GAS7: variants seen among roughly 807,000 people sequenced by gnomAD.
GAS7 encodes the protein growth arrest specific 7.
GAS7 carries 28 observed loss-of-function variants against 71.1 expected under a neutral mutation model. That is an observed-to-expected ratio of 0.39 (90% CI 0.29 to 0.54). GAS7 has a LOEUF of 0.54. Ranked by LOEUF, GAS7 falls within the 20% of genes least tolerant of loss-of-function variation. The probability of loss-of-function intolerance (pLI) is 0.62; values close to 1 mark genes in which losing one functional copy is unlikely to be tolerated. For missense variants in GAS7, 436 were observed against 627.8 expected (o/e 0.69, Z 3.27); for synonymous variants, 258 against 245.8 (o/e 1.05, Z -0.46).
intron 1 of GAS7, among the ~76,000 whole-genome samples, chr17:10,056,521 A>C (rs2073138570): frequency 6.6e-6 from 1 of 151,962 alleles, no homozygotes; most frequent in African/African-American, 2.4e-5. Flanking sequence ...ATAAAAAATA[A>C]AAATAAATTA....
Position 9,926,655 on chromosome 17 carries a change from C to A in GAS7, c.1000G>T (p.Ala334Ser). The change falls in exon 10 of 14, where the codon GCC becomes TCC. Residue 334 changes from alanine to serine, a missense_variant. Ala to Ser is a moderately conservative substitution (Grantham distance 99). Coordinates refer to ENST00000432992, the MANE Select transcript of GAS7 (RefSeq NM_201433.2). This position sits in a 1 kb window ranked among gnomAD's most constrained non-coding sequence, Gnocchi z 5.0. Reference sequence around the variant, plus strand: ...GGGCCTCTCACCTTCTCCACCGAGGCATAGCGGCTGGCGAGCTGCTTGCGA... The same window carrying A: ...GGGCCTCTCACCTTCTCCACCGAGGAATAGCGGCTGGCGAGCTGCTTGCGA... The part of the protein sequence containing the change: ...DLRKQLASRY[A>S]SVEKARKALT... 6.2e-7 allele frequency: 1 copy of A among 1,613,754 alleles called. No homozygotes were observed. The highest frequency in any genetic ancestry group is 8.5e-7 in the Non-Finnish European group (1 of 1,180,028).
Position 9,912,814 on chromosome 17 carries a change from G to A in GAS7, c.*4414C>T, listed in dbSNP as rs1438982118. The A allele has an allele frequency of 1.3e-5, 3 of 232,484 alleles. No individual in the cohort carries two copies. Among genetic ancestry groups the A allele is most frequent in the Admixed American group, 5.6e-5 (1 of 17,754 alleles). The allele number at this position is 232,484 out of a possible 1,614,324, so 14.4% of individuals were successfully genotyped here. ...ACCCTGGGCCAAGAACTTCCAGGGC[G>A]AAAGGCTCAGTGTAAAAATAAAGAA... is the stretch of plus-strand genomic sequence containing the variant. On this transcript the variant is annotated 3_prime_UTR_variant, in exon 14 of 14. Transcript: ENST00000432992.
intron 1 of GAS7, among the ~76,000 whole-genome samples, chr17:10,062,359 C>T (rs1424008120): frequency 3.9e-5 from 6 of 152,180 alleles, no homozygotes; most frequent in Admixed American, 2.0e-4. Flanking sequence ...GTGGTGCACA[C>T]GTGTAATCTC....
At chr17:10,172,731 T>C (rs867542411) in intron 1 of GAS7, among the ~76,000 whole-genome samples, 3 of 152,220 alleles carry the variant, frequency 2.0e-5, no homozygotes, top group African/African-American at 4.8e-5. Context: ...AAACTAAGGC[T>C]TGACAGACTT....
intron 1 of GAS7, among the ~76,000 whole-genome samples, chr17:10,090,177 A>G (rs2152255608): frequency 6.6e-6 from 1 of 152,260 alleles, no homozygotes; most frequent in East Asian, 1.9e-4. Context: ...TCCAAAAAAA[A>G]AAAAAGCAGC....
chr17:10,142,754 A>C (rs1242620970), intron 1 of GAS7, among the ~76,000 whole-genome samples: 1 of 152,202 alleles, frequency 6.6e-6, no homozygotes, highest in African/African-American at 2.4e-5. Flanking sequence ...ATATATTTCA[A>C]ACTTAGATAA....
At chr17:9,951,119 A>G (rs2152103597) in intron 5 of GAS7, among the ~76,000 whole-genome samples, 1 of 152,334 alleles carries the variant, frequency 6.6e-6, no homozygotes, top group South Asian at 2.1e-4. Context: ...CAAGCAGGCA[A>G]TCATGAAAAC....
chr17:9,981,673 C>T lies in GAS7; in HGVS notation c.385+131G>A. On this transcript the variant is annotated intron_variant, in intron 3 of 13. Coordinates refer to ENST00000432992, the MANE Select transcript of GAS7 (RefSeq NM_201433.2). The surrounding 1 kb of genome is among the most constrained non-coding windows in gnomAD (Gnocchi z 4.4). ...TGGCAGCAGGCCTAAGGGACCCTCT[C>T]CCAGGCCCAACCCCTCCCTGGGTTT... 1 of 665,958 alleles carries T rather than the reference C, an allele frequency of 1.5e-6. No homozygotes were observed. Among genetic ancestry groups the T allele is most frequent in the Non-Finnish European group, 2.7e-6 (1 of 367,772 alleles). The allele number at this position is 665,958 out of a possible 1,614,324, so 41.3% of individuals were successfully genotyped here.
rs1470116654 is a variant in GAS7 at position 9,925,366 on chromosome 17, C to CTGCAGTCTTGCAAAGGAGAGA, written c.1138+89_1138+109dup. 1.0e-4 allele frequency: 115 copies of CTGCAGTCTTGCAAAGGAGAGA among 1,098,880 alleles called. No individual in the cohort carries two copies. The African/African-American group carries it at 1.4e-3, about 13-fold the overall frequency. The allele number at this position is 1,098,880 out of a possible 1,614,324, so 68.1% of individuals were successfully genotyped here. A position where few individuals can be genotyped will look rare whatever the true frequency, so the allele number is the denominator to read the frequency against. On this transcript the variant is annotated intron_variant, in intron 11 of 13. Transcript: ENST00000432992. ...GCAAACAAGGGAAGTAATTTCCTCG[C>CTGCAGTCTTGCAAAGGAGAGA]TGCAGTCTTGCAAAGGAGAGATGCA... is the stretch of plus-strand genomic sequence containing the variant.
At chr17:9,947,520 G>A (rs190805774) in intron 5 of GAS7, among the ~76,000 whole-genome samples, 1 of 152,258 alleles carries the variant, frequency 6.6e-6, no homozygotes, top group Admixed American at 6.5e-5. Context: ...CGAGGCAGGC[G>A]GACCACCTGA....
intron 1 of GAS7, among the ~76,000 whole-genome samples, chr17:10,067,000 T>A (rs898522319): frequency 1.5e-4 from 23 of 152,168 alleles, no homozygotes; most frequent in African/African-American, 5.3e-4. Context: ...ATAATACCTG[T>A]TACAAGGATC....
intron 1 of GAS7, among the ~76,000 whole-genome samples, chr17:10,125,947 C>G (rs964739513): frequency 1.3e-5 from 2 of 152,216 alleles, no homozygotes; most frequent in Non-Finnish European, 2.9e-5. Flanking sequence ...CCAGAGAGAG[C>G]TGGACAAGGC....
chr17:10,180,169 C>T (rs1202786796), intron 1 of GAS7, among the ~76,000 whole-genome samples: 1 of 151,882 alleles, frequency 6.6e-6, no homozygotes, highest in Non-Finnish European at 1.5e-5. Flanking sequence ...GAGGAAACCC[C>T]ATCTCTATTA....
intron 1 of GAS7, among the ~76,000 whole-genome samples, chr17:10,116,236 C>T (rs1187006620): frequency 1.3e-5 from 2 of 151,950 alleles, no homozygotes; most frequent in Non-Finnish European, 2.9e-5. Context: ...ATTGCTTGAA[C>T]CCAGGAGGCG....
chr17:9,959,472 T>G lies in GAS7; in HGVS notation c.472-217A>C. On this transcript the variant is annotated intron_variant, in intron 4 of 13. Coordinates refer to ENST00000432992, the MANE Select transcript of GAS7 (RefSeq NM_201433.2). The surrounding 1 kb of genome is among the most constrained non-coding windows in gnomAD (Gnocchi z 5.0). ...GGGCTGAAGGCGAATTAAGGAAGCC[T>G]CCTGCACAGGCTCTGAGAGAACTGC... The G allele has an allele frequency of 1.4e-6, 2 of 1,421,456 alleles. No individual in the cohort carries two copies. Among genetic ancestry groups the G allele is most frequent in the South Asian group, 3.1e-5 (2 of 65,408 alleles). 88.1% of individuals were successfully genotyped at this position (1,421,456 alleles called of 1,614,324 possible).
Position 9,969,825 on chromosome 17 carries a change from G to A in GAS7, c.386-63C>T, listed in dbSNP as rs1051712453. 43 of 1,042,346 alleles carry A rather than the reference G, an allele frequency of 4.1e-5. No homozygotes were observed. Among genetic ancestry groups the A allele is most frequent in the South Asian group, 2.8e-4 (22 of 78,240 alleles). 64.6% of individuals were successfully genotyped at this position (1,042,346 alleles called of 1,614,324 possible). Reference sequence around the variant, plus strand: ...CCACAGATGGGCACCCCCGCCTTTCGTCCACTGCAGCCCCTTTTCCCACCT... The same window carrying A: ...CCACAGATGGGCACCCCCGCCTTTCATCCACTGCAGCCCCTTTTCCCACCT... On this transcript the variant is annotated intron_variant, in intron 3 of 13. Transcript: ENST00000432992. The surrounding 1 kb of genome is among the most constrained non-coding windows in gnomAD (Gnocchi z 5.5).
intron 1 of GAS7, among the ~76,000 whole-genome samples, chr17:10,068,338 A>T (rs1181128167): frequency 6.6e-6 from 1 of 152,124 alleles, no homozygotes; most frequent in Non-Finnish European, 1.5e-5. Context: ...GACCCAGATG[A>T]AGCCCTGGGT....
In GAS7 at chr17:10,142,187, G is replaced by C. The variant is rs147348573; in HGVS notation, c.183+56021C>G. Among the ~76,000 whole-genome samples, 558 of 147,784 alleles carry C rather than the reference G, an allele frequency of 3.8e-3. 4 individuals carry two copies. The highest frequency in any genetic ancestry group is 0.013 in the African/African-American group (537 of 39,872). On this transcript the variant is annotated intron_variant, in intron 1 of 13. Transcript: ENST00000432992. ...GCCGAAATAGGGCCACTGCAGTCCG[G>C]CCTGGGCGACACAGCGAGACTCTGT...
chr17:9,942,482 T>C (rs2068638663), intron 7 of GAS7, among the ~76,000 whole-genome samples: 1 of 150,990 alleles, frequency 6.6e-6, no homozygotes, highest in Non-Finnish European at 1.5e-5. Flanking sequence ...GATTTCTCCA[T>C]TTCCATTGGG....
Sources: gnomAD v4.1 joint callset for allele counts (sites outside exome capture counted in the v4.1 genomes callset) on GRCh38, gnomAD v4.1.1 for gene constraint, Gnocchi (gnomAD v3.1) non-coding constraint, MANE v1.5 for transcripts, NCBI Gene and HGNC (gene_info 2026-07-23, HGNC 2026-07-21) for gene names.